The following RARB variants were observed in gnomAD, a reference collection of about 807,000 sequenced individuals.
RARB encodes HBV-activated protein.
RARB carries 17 observed loss-of-function variants against 51.9 expected under a neutral mutation model. That is an observed-to-expected ratio of 0.33 (90% CI 0.22 to 0.49). RARB has a LOEUF of 0.49. RARB is among the 20% of genes least tolerant of loss of function. The pLI is 0.99. For synonymous variants in RARB, 215 were observed against 195.4 expected, an observed-to-expected ratio of 1.10 and a Z score of -0.84; for missense variants, 369 against 550.8, an observed-to-expected ratio of 0.67 and a Z score of 3.30.
chr3:25,012,943 A>C (rs143447947), intron 2 of RARB, among the ~76,000 whole-genome samples: 131 of 152,232 alleles, frequency 8.6e-4, no homozygotes, highest in African/African-American at 2.9e-3. Flanking sequence ...TCTGATTAAT[A>C]ATAGCTGCTG....
intron 4 of RARB, among the ~76,000 whole-genome samples, chr3:25,171,649 A>AAAAAAAAAAAAC (rs1559491281): frequency 1.4e-5 from 2 of 146,756 alleles, no homozygotes; most frequent in African/African-American, 2.5e-5. Context: ...TTGGTAAAAA[A>AAAAAAAAAAAAC]AAAAAAAAAA....
intron 5 of RARB, among the ~76,000 whole-genome samples, chr3:25,220,507 G>C (rs534748147): frequency 6.6e-6 from 1 of 152,108 alleles, no homozygotes; most frequent in Non-Finnish European, 1.5e-5. Context: ...TAATTCCCAC[G>C]TATCAAGGGA....
rs75296652 is a variant in RARB, at chr3:25,084,762, C to T, written c.-328+24586C>T. Among the ~76,000 whole-genome samples, 652 of 150,266 alleles carry T rather than the reference C, an allele frequency of 4.3e-3. 16 individuals carry two copies. The East Asian group carries it at 0.063, about 15-fold the overall frequency. On this transcript the variant is annotated intron_variant, in intron 3 of 11. Coordinates refer to the RARB transcript ENST00000383772. ...TGGGGTTTTTTTTAATGTTTGTTTCCAGATCTTTGGATTTTATTTTTATTT... is the reference window on the plus strand; with the variant it reads ...TGGGGTTTTTTTTAATGTTTGTTTCTAGATCTTTGGATTTTATTTTTATTT...
chr3:25,344,396 A>T (rs1195138041), intron 5 of RARB, among the ~76,000 whole-genome samples: 1 of 152,176 alleles, frequency 6.6e-6, no homozygotes, highest in African/African-American at 2.4e-5. Context: ...TGTCTGAGAG[A>T]TTGGTAAGTG....
chr3:25,119,592 G>T (rs1699745859), intron 3 of RARB, among the ~76,000 whole-genome samples: 1 of 151,528 alleles, frequency 6.6e-6, no homozygotes, highest in African/African-American at 2.4e-5. Flanking sequence ...CAGGTGGTAG[G>T]TCAGATAAAT....
chr3:25,501,378 T>C (rs1575464961), intron 3 of RARB, 55 bp downstream of exon 3: 1 of 1,592,172 alleles, frequency 6.3e-7, no homozygotes, highest in East Asian at 2.3e-5. Flanking sequence ...TGTGATTTGC[T>C]CACCTTCCAC....
intron 3 of RARB, among the ~76,000 whole-genome samples, chr3:25,107,308 G>A (rs1000744136): frequency 6.6e-5 from 10 of 152,180 alleles, no homozygotes; most frequent in East Asian, 3.9e-4. Flanking sequence ...TCCCCTAGTC[G>A]AATTTGTACT....
chr3:25,198,983 T>C (rs114271799), intron 5 of RARB, among the ~76,000 whole-genome samples: 3 of 152,022 alleles, frequency 2.0e-5, no homozygotes, highest in East Asian at 1.9e-4. Flanking sequence ...TGAAGAGATA[T>C]CTGCATTCTC....
At chr3:25,201,656 G>C (rs947098592) in intron 5 of RARB, among the ~76,000 whole-genome samples, 2 of 152,078 alleles carry the variant, frequency 1.3e-5, no homozygotes, top group Non-Finnish European at 2.9e-5. Flanking sequence ...GTTGAGTTTT[G>C]TCAAAGGCCT....
chr3:25,355,946 G>C (rs769888966), intron 5 of RARB, among the ~76,000 whole-genome samples: 2 of 151,966 alleles, frequency 1.3e-5, no homozygotes, highest in Admixed American at 1.3e-4. Context: ...AGTTAAGCAG[G>C]AACTTGGAAA....
At chr3:24,886,513 T>C (rs1472143998) in intron 2 of RARB, among the ~76,000 whole-genome samples, 2 of 151,482 alleles carry the variant, frequency 1.3e-5, no homozygotes, top group African/African-American at 2.4e-5. Flanking sequence ...GGCATAATCA[T>C]GGCTTACTGC....
chr3:25,245,110 A>G (rs759841269), intron 5 of RARB, among the ~76,000 whole-genome samples: 1 of 152,124 alleles, frequency 6.6e-6, no homozygotes, highest in African/African-American at 2.4e-5. Flanking sequence ...CTATTTTAAG[A>G]GAGACTAAGA....
chr3:24,860,785 A>T (rs944440597), intron 2 of RARB, among the ~76,000 whole-genome samples: 3 of 152,190 alleles, frequency 2.0e-5, no homozygotes. Flanking sequence ...GTGCTGTGTG[A>T]CATTAGGTAC....
chr3:25,525,960 G>C (rs1372383571), intron 3 of RARB, among the ~76,000 whole-genome samples: 2 of 152,188 alleles, frequency 1.3e-5, no homozygotes, highest in African/African-American at 4.8e-5. Context: ...AAACAAAACA[G>C]ACACAGTCAT....
chr3:25,535,435 G>C (rs1034698347), intron 3 of RARB, among the ~76,000 whole-genome samples: 1 of 142,126 alleles, frequency 7.0e-6, no homozygotes, highest in Admixed American at 7.2e-5. Context: ...TTATGCTTTA[G>C]GTTCTGGAAT....
intron 2 of RARB, among the ~76,000 whole-genome samples, chr3:24,902,711 G>T (rs1703634535): frequency 6.6e-6 from 1 of 151,968 alleles, no homozygotes; most frequent in South Asian, 2.1e-4. Flanking sequence ...TTATAAAAAT[G>T]CTCACTGACA....
intron 5 of RARB, among the ~76,000 whole-genome samples, chr3:25,391,583 C>G (rs1706960466): frequency 2.6e-5 from 4 of 151,828 alleles, no homozygotes; most frequent in African/African-American, 9.7e-5. Flanking sequence ...AATTATGATT[C>G]TTGCAGAAGT....
At chr3:25,581,763 C>G (rs2886124) in intron 5 of RARB, among the ~76,000 whole-genome samples, 29,515 of 151,988 alleles carry the variant, frequency 0.19, 3,564 homozygotes, top group African/African-American at 0.34. Context: ...GATGAAGCCA[C>G]CAGAGCTCCC....
intron 2 of RARB, among the ~76,000 whole-genome samples, chr3:24,960,450 A>G (rs1461493623): frequency 6.6e-6 from 1 of 152,202 alleles, no homozygotes. Flanking sequence ...ATTCTTTTCA[A>G]TTGAGCAGAC....
Sources: allele counts gnomAD v4.1 joint callset (sites outside exome capture counted in the v4.1 genomes callset), GRCh38; gene constraint gnomAD v4.1.1; transcripts MANE v1.5; gene names NCBI Gene and HGNC (gene_info 2026-07-23, HGNC 2026-07-21).